ALDOA: variants seen among roughly 807,000 people sequenced by gnomAD.
ALDOA encodes the protein fructose-bisphosphate aldolase A.
In ALDOA, 26 loss-of-function variants were observed where a neutral mutation model predicts 43.9. That is an observed-to-expected ratio of 0.59 (90% CI 0.43 to 0.82). The LOEUF is 0.82. Among genes scored for constraint, ALDOA ranks in the 40% least tolerant of loss-of-function variants. The pLI, the probability that ALDOA is intolerant of heterozygous loss-of-function variation, is 0.00. For synonymous variants in ALDOA, 258 were observed against 222.6 expected (o/e 1.16, Z -1.42); for missense variants, 498 against 549.5 (o/e 0.91, Z 0.94).
At chr16:30,067,137 G>T in intron 2 of ALDOA, 97 bp from the exon 3 acceptor site, 1 of 1,585,864 alleles carries the variant, frequency 6.3e-7, no homozygotes, top group South Asian at 1.1e-5. Context: ...GGGAGGTAGG[G>T]AACATTTCCC....
At chr16:30,069,416 C>G in intron 7 of ALDOA, 27 bp downstream of exon 7, 2 of 1,614,000 alleles carry the variant, frequency 1.2e-6, no homozygotes, top group Non-Finnish European at 1.7e-6. Flanking sequence ...CTGACCAGTG[C>G]AAGGTGGCTG....
chr16:30,067,114 G>A, intron 2 of ALDOA, 76 bp downstream of exon 2: 3 of 1,573,284 alleles, frequency 1.9e-6, no homozygotes, highest in Non-Finnish European at 2.6e-6. Context: ...AGGGCCTGCT[G>A]GGTGTGGGGC....
intron 6 of ALDOA, 105 bp downstream of exon 6, chr16:30,069,083 T>G (rs1427228831): frequency 2.4e-5 from 37 of 1,551,708 alleles, no homozygotes; most frequent in Non-Finnish European, 3.1e-5. Flanking sequence ...AAAGCAAGCA[T>G]TAGCTTTGGC....
In ALDOA at chr16:30,070,260, C is replaced by G. The variant is rs767849851; in HGVS notation, c.*48C>G. The G allele has an allele frequency of 6.3e-7, 1 of 1,593,614 alleles. No individual in the cohort carries two copies. Among genetic ancestry groups the G allele is most frequent in the Non-Finnish European group, 8.6e-7 (1 of 1,161,782 alleles). On this transcript the variant is annotated 3_prime_UTR_variant, in exon 10 of 10. Coordinates refer to ENST00000642816, the MANE Select transcript of ALDOA (RefSeq NM_001243177.4). Reference sequence around the variant, plus strand: ...CCCAACACTCCAGGCCCTGCCCCCTCCCACTCTTGAAGAGGAGGCCGCCTC... The same window carrying G: ...CCCAACACTCCAGGCCCTGCCCCCTGCCACTCTTGAAGAGGAGGCCGCCTC...
Position 30,067,646 on chromosome 16 carries a change from T to A in ALDOA, c.471T>A (p.Gly157=), listed in dbSNP as rs142231603. ...PFPQVIKSKG[G]VVGIKVDKGV... ...CCCAAGTTATCAAATCCAAGGGCGG[T>A]GTTGTGGGCATCAAGGTAAGGGGAG... The change falls in exon 4 of 10, where the codon GGT becomes GGA. Residue 157 remains glycine (G), a synonymous_variant. Coordinates refer to ENST00000642816, the MANE Select transcript of ALDOA (RefSeq NM_001243177.4). The A allele has an allele frequency of 1.0e-4, 161 of 1,613,894 alleles. No individual in the cohort carries two copies. In the African/African-American group the frequency reaches 2.0e-3, roughly 20 times the overall value.
rs1038214389 is a variant in ALDOA, at chr16:30,067,823, C to G, written c.486+162C>G. 6.4e-6 allele frequency: 5 copies of G among 787,206 alleles called. No individual in the cohort carries two copies. In the African/African-American group the frequency reaches 6.8e-5, roughly 11 times the overall value. 48.8% of individuals were successfully genotyped at this position (787,206 alleles called of 1,614,324 possible). A position where few individuals can be genotyped will look rare whatever the true frequency, so the allele number is the denominator to read the frequency against. The stretch of plus-strand genomic sequence containing the variant: ...CTCGACATTTTTAATCCTCACAATT[C>G]TGAGAGAACAGTATCATTCCCACTT... On this transcript the variant is annotated intron_variant, in intron 4 of 9. Coordinates refer to ENST00000642816, the MANE Select transcript of ALDOA (RefSeq NM_001243177.4).
Position 30,069,612 on chromosome 16 carries a change from TGAG to T in ALDOA, c.904_906del (p.Glu302del), listed in dbSNP as rs770097934. 3.7e-6 allele frequency: 6 copies of T among 1,613,942 alleles called. No individual in the cohort carries two copies. The highest frequency in any genetic ancestry group is 2.2e-5 in the East Asian group (1 of 44,892). On this transcript the variant is annotated inframe_deletion, in exon 8 of 10. Transcript: ENST00000642816. ...ATGCTTGCACTCAGAAGTTTTCTCA[TGAG>T]GAGATTGCCATGGCGACCGTCACAG...
intron 6 of ALDOA, 24 bp downstream of exon 6, chr16:30,069,002 G>A (rs2072220783): frequency 6.2e-7 from 1 of 1,613,954 alleles, no homozygotes; most frequent in Admixed American, 1.7e-5. Flanking sequence ...TCCTCAATAG[G>A]CAACCTCCTA....
chr16:30,064,585 A>G (rs914737620), upstream of ALDOA: 18 of 398,280 alleles, frequency 4.5e-5, no homozygotes, highest in Admixed American at 3.1e-4. Flanking sequence ...GGGCCCCACG[A>G]TAGTGTGAAT....
chr16:30,069,401 C>T lies in ALDOA; in HGVS notation c.786+12C>T. The T allele has an allele frequency of 1.2e-6, 2 of 1,614,138 alleles. No individual in the cohort carries two copies. Among genetic ancestry groups the T allele is most frequent in the African/African-American group, 1.3e-5 (1 of 75,038 alleles). ...ATGTGACCGAGAAGGTAAATGGCTA[C>T]CTGCCTGACCAGTGCAAGGTGGCTG... On this transcript the variant is annotated intron_variant, in intron 7 of 9. Coordinates refer to ENST00000642816, the MANE Select transcript of ALDOA (RefSeq NM_001243177.4).
chr16:30,069,521 C>T lies in ALDOA; in HGVS notation c.809C>T (p.Ala270Val), dbSNP rs1430448581. Residue 270 changes from alanine to valine, a missense_variant, in exon 8 of 10, where the codon GCT (alanine) becomes GTT (valine). Ala to Val is a moderately conservative substitution (Grantham distance 64). Transcript: ENST00000642816. Reference sequence around the variant, plus strand: ...CAGGTGCTGGCTGCTGTCTACAAGGCTCTGAGTGACCACCACATCTACCTG... The same window carrying T: ...CAGGTGCTGGCTGCTGTCTACAAGGTTCTGAGTGACCACCACATCTACCTG... ...TEKVLAAVYKALSDHHIYLEG... is the reference protein window; with the variant it reads ...TEKVLAAVYKVLSDHHIYLEG... The T allele has an allele frequency of 6.2e-7, 1 of 1,614,026 alleles. No homozygotes were observed. The highest frequency in any genetic ancestry group is 1.3e-5 in the African/African-American group (1 of 74,922).
chr16:30,070,335 T>TA lies in ALDOA; in HGVS notation c.*123_*124insA. On this transcript the variant is annotated 3_prime_UTR_variant, in exon 10 of 10. Coordinates refer to ENST00000642816, the MANE Select transcript of ALDOA (RefSeq NM_001243177.4). ...CGCGCTCTTTCTTCCCTCGTGACAG[T>TA]GGTGTGTGGTGTCGTCTGTGAATGC... 1 of 851,236 alleles carries TA rather than the reference T, an allele frequency of 1.2e-6. No individual in the cohort carries two copies. The highest frequency in any genetic ancestry group is 2.0e-6 in the Non-Finnish European group (1 of 512,456). The allele number at this position is 851,236 out of a possible 1,614,324, so 52.7% of individuals were successfully genotyped here. A position where few individuals can be genotyped will look rare whatever the true frequency, so the allele number is the denominator to read the frequency against.
chr16:30,066,989 A>G lies in ALDOA; in HGVS notation c.92A>G (p.Gln31Arg). ...TCCTTTCCCCCAGTTGCCAGTGGGC[A>G]ACTCCACCCTCAGCTGGGCAACACC... The part of the protein sequence containing the change: ...AFSFPPVASG[Q>R]LHPQLGNTQH... Residue 31 changes from glutamine to arginine, a missense_variant, in exon 2 of 10, where the codon CAA becomes CGA. Physicochemically the swap from Gln to Arg is conservative, Grantham distance 43. Transcript: ENST00000642816. 2 of 1,560,554 alleles carry G rather than the reference A, an allele frequency of 1.3e-6. No individual in the cohort carries two copies. The highest frequency in any genetic ancestry group is 1.7e-6 in the Non-Finnish European group (2 of 1,153,106).
At position 30,070,012 on chromosome 16, in the gene ALDOA, T is replaced by A; in HGVS notation, c.1144T>A (p.Tyr382Asn). The change falls in exon 9 of 10, where the codon TAT (tyrosine) becomes AAT (asparagine). Residue 382 changes from tyrosine (Y) to asparagine (N), a missense_variant. Tyr to Asn is a moderately radical substitution (Grantham distance 143, BLOSUM62 -2). Coordinates refer to ENST00000642816, the MANE Select transcript of ALDOA (RefSeq NM_001243177.4). ...GAACCTGAAGGCTGCGCAGGAGGAG[T>A]ATGTCAAGCGAGCCCTGGTAAGGAT... is the stretch of plus-strand genomic sequence containing the variant. ...KENLKAAQEEYVKRALANSLA... is the reference protein window; with the variant it reads ...KENLKAAQEENVKRALANSLA... The A allele has an allele frequency of 6.2e-7, 1 of 1,613,188 alleles. No individual in the cohort carries two copies. Among genetic ancestry groups the A allele is most frequent in the Non-Finnish European group, 8.5e-7 (1 of 1,179,874 alleles).
At chr16:30,065,392 G>C (rs1301733073), upstream of ALDOA, among the ~76,000 whole-genome samples, 3 of 152,168 alleles carry the variant, frequency 2.0e-5, no homozygotes, top group East Asian at 5.8e-4. Context: ...CCTGGGAGGC[G>C]AAACTCAGCT....
At chr16:30,069,095 C>A (rs3751870) in intron 6 of ALDOA, 117 bp downstream of exon 6, 1 of 1,514,202 alleles carries the variant, frequency 6.6e-7, no homozygotes, top group Non-Finnish European at 9.1e-7. Context: ...AGCTTTGGCC[C>A]GTGGAGGACA....
rs769441707 is a variant in ALDOA, at chr16:30,067,568, C to A, written c.393C>A (p.Val131=). ...DDRVNPCIGG[V]ILFHETLYQK... The stretch of plus-strand genomic sequence containing the variant: ...GCGTGAACCCCTGCATTGGGGGTGT[C>A]ATCCTCTTCCATGAGACACTCTACC... Residue 131 remains valine (V), a synonymous_variant, in exon 4 of 10, where the codon GTC becomes GTA. Transcript: ENST00000642816. The A allele has an allele frequency of 1.9e-6, 3 of 1,614,034 alleles. No homozygotes were observed. In the South Asian group the frequency reaches 3.3e-5, roughly 18 times the overall value.
upstream of ALDOA, among the ~76,000 whole-genome samples, chr16:30,065,096 C>T (rs1291479471): frequency 6.6e-6 from 1 of 152,178 alleles, no homozygotes; most frequent in African/African-American, 2.4e-5. Context: ...AGAGCGCGCA[C>T]GCATGCGCGA....
At chr16:30,065,572 G>A (rs1285783278), upstream of ALDOA, 1 of 152,326 alleles carries the variant, frequency 6.6e-6, no homozygotes, top group Admixed American at 6.5e-5. Flanking sequence ...CACGTCCGAG[G>A]GGGGTGGGGA....
Sources: gnomAD v4.1 joint callset for allele counts (sites outside exome capture counted in the v4.1 genomes callset) on GRCh38, gnomAD v4.1.1 for gene constraint, MANE v1.5 for transcripts, NCBI Gene and HGNC (gene_info 2026-07-23, HGNC 2026-07-21) for gene names.